Variants in RBFOX1 observed in about 807,000 individuals in gnomAD.
The protein encoded by RBFOX1 is RNA binding fox-1 homolog 1.
RBFOX1 carries 8 observed loss-of-function variants against 57.7 expected under a neutral mutation model. The observed-to-expected ratio is 0.14, with a 90% CI of 0.08 to 0.25. RBFOX1 has a LOEUF of 0.25. Among genes scored for constraint, RBFOX1 ranks in the 10% least tolerant of loss-of-function variants. The probability of loss-of-function intolerance (pLI) is 1.00; values close to 1 mark genes in which losing one functional copy is unlikely to be tolerated. For synonymous variants in RBFOX1, 326 were observed against 222.4 expected (o/e 1.47, Z -4.15); for missense variants, 611 against 548.5 (o/e 1.11, Z -1.14).
At chr16:5,480,600 C>A (rs1025221448) in intron 2 of RBFOX1, among the ~76,000 whole-genome samples, 1 of 152,228 alleles carries the variant, frequency 6.6e-6, no homozygotes, top group Non-Finnish European at 1.5e-5. Context: ...CAATGGCTTT[C>A]TTAATTCTTT....
At chr16:5,445,261 G>T (rs983469752) in intron 1 of RBFOX1, among the ~76,000 whole-genome samples, 1 of 152,150 alleles carries the variant, frequency 6.6e-6, no homozygotes, top group African/African-American at 2.4e-5. Context: ...AAATCAACAG[G>T]ACATGGTATT....
At chr16:5,310,537 G>C (rs1171328471) in intron 1 of RBFOX1, among the ~76,000 whole-genome samples, 1 of 152,174 alleles carries the variant, frequency 6.6e-6, no homozygotes, top group African/African-American at 2.4e-5. Context: ...ATGGAGGAGG[G>C]GGTGATAATT....
At chr16:7,084,780 A>G (rs1024911666) in intron 4 of RBFOX1, among the ~76,000 whole-genome samples, 12 of 152,218 alleles carry the variant, frequency 7.9e-5, no homozygotes, top group African/African-American at 2.4e-4. Flanking sequence ...ATGTACACAC[A>G]ACCATGATGT....
intron 4 of RBFOX1, among the ~76,000 whole-genome samples, chr16:7,387,930 A>G (rs1449933929): frequency 1.3e-5 from 2 of 151,976 alleles, no homozygotes; most frequent in East Asian, 1.9e-4. Flanking sequence ...ATTTTACGCC[A>G]TTGTTGGAAG....
intron 4 of RBFOX1, among the ~76,000 whole-genome samples, chr16:7,459,949 G>T (rs536049602): frequency 6.6e-6 from 1 of 152,030 alleles, no homozygotes; most frequent in South Asian, 2.1e-4. Context: ...TTATTGGTTG[G>T]ATACTTTTAG....
intron 2 of RBFOX1, among the ~76,000 whole-genome samples, chr16:5,523,819 A>C (rs7190879): frequency 6.6e-6 from 1 of 151,742 alleles, no homozygotes; most frequent in African/African-American, 2.4e-5. Context: ...TGGAAGTAGG[A>C]AGAGAACAAG....
At chr16:5,726,557 C>T (rs1380452090) in intron 3 of RBFOX1, among the ~76,000 whole-genome samples, 2 of 152,210 alleles carry the variant, frequency 1.3e-5, no homozygotes, top group East Asian at 1.9e-4. Flanking sequence ...AATCCTTGTC[C>T]ATAGCCTGGA....
chr16:5,772,446 G>C (rs1269240454), intron 3 of RBFOX1, among the ~76,000 whole-genome samples: 1 of 152,090 alleles, frequency 6.6e-6, no homozygotes, highest in Non-Finnish European at 1.5e-5. Context: ...AGATCCTCAG[G>C]TACCTCTTCT....
At chr16:5,970,512 C>G (rs545545088) in intron 4 of RBFOX1, among the ~76,000 whole-genome samples, 2 of 152,120 alleles carry the variant, frequency 1.3e-5, no homozygotes, top group Admixed American at 6.5e-5. Flanking sequence ...AGAATGCACG[C>G]TAATCACATT....
chr16:6,423,786 G>A (rs1272707402), intron 2 of RBFOX1, among the ~76,000 whole-genome samples: 1 of 152,096 alleles, frequency 6.6e-6, no homozygotes, highest in African/African-American at 2.4e-5. Context: ...CAGCACTGCA[G>A]GCCCAGGAAG....
At chr16:5,419,240 A>C (rs1056017439) in intron 1 of RBFOX1, among the ~76,000 whole-genome samples, 9 of 152,158 alleles carry the variant, frequency 5.9e-5, no homozygotes, top group African/African-American at 1.9e-4. Context: ...CACGATCACA[A>C]GTTGAAGTGG....
At chr16:6,377,825 A>G (rs17528109) in intron 2 of RBFOX1, among the ~76,000 whole-genome samples, 13,093 of 152,208 alleles carry the variant, frequency 0.086, 725 homozygotes, top group Middle Eastern at 0.24. Context: ...ACATAACAGA[A>G]TGAAGCTTCC....
chr16:7,209,887 C>G (rs182917148), intron 4 of RBFOX1, among the ~76,000 whole-genome samples: 25 of 152,262 alleles, frequency 1.6e-4, no homozygotes, highest in African/African-American at 6.0e-4. Context: ...CTTGAAAATG[C>G]CTGACCCCTA....
At chr16:6,237,935 A>G (rs1598676827) in intron 1 of RBFOX1, among the ~76,000 whole-genome samples, 1 of 151,764 alleles carries the variant, frequency 6.6e-6, no homozygotes, top group Admixed American at 6.6e-5. Flanking sequence ...TACAAAAAGT[A>G]CAAAAATTAG....
chr16:6,132,633 A>G (rs1211016525), intron 1 of RBFOX1, among the ~76,000 whole-genome samples: 1 of 152,170 alleles, frequency 6.6e-6, no homozygotes, highest in Non-Finnish European at 1.5e-5. Flanking sequence ...CAAATTAGCG[A>G]AGGTGGCATG....
intron 4 of RBFOX1, among the ~76,000 whole-genome samples, chr16:7,265,856 G>A (rs1348790827): frequency 1.3e-5 from 2 of 151,838 alleles, no homozygotes; most frequent in Non-Finnish European, 1.5e-5. Flanking sequence ...AACTCCCAAT[G>A]CTGGAGGTGG....
chr16:6,942,410 C>A (rs62017717), intron 3 of RBFOX1, among the ~76,000 whole-genome samples: 20,917 of 152,138 alleles, frequency 0.14, 1,738 homozygotes, highest in East Asian at 0.27. Context: ...CCCTCTCCGT[C>A]AGCCTCCCAA....
intron 14 of RBFOX1, among the ~76,000 whole-genome samples, chr16:7,688,814 GTTT>G (rs2076700115): frequency 6.6e-6 from 1 of 152,112 alleles, no homozygotes; most frequent in South Asian, 2.1e-4. Flanking sequence ...GTTAGAATAT[GTTT>G]TTAATTCTTT....
At chr16:6,596,733 G>A (rs17140685) in intron 2 of RBFOX1, among the ~76,000 whole-genome samples, 8,339 of 152,216 alleles carry the variant, frequency 0.055, 719 homozygotes, top group African/African-American at 0.19. Flanking sequence ...TCTTAGCTGG[G>A]CTCTGAGCAA....
Sources: allele counts gnomAD v4.1 joint callset (sites outside exome capture counted in the v4.1 genomes callset), GRCh38; gene constraint gnomAD v4.1.1; transcripts MANE v1.5; gene names NCBI Gene and HGNC (gene_info 2026-07-23, HGNC 2026-07-21).